Variants in RAB37 observed in about 807,000 individuals in gnomAD.
RAB37 encodes the protein ras-related protein Rab-37.
Under a neutral mutation model 33.1 loss-of-function variants are expected in RAB37, and 29 were observed. The ratio of observed to expected loss-of-function variants is 0.88; its 90% CI spans 0.65 to 1.20. RAB37 has a LOEUF of 1.20. RAB37 is among the 50% of genes most tolerant of loss of function. The pLI is 0.00. For synonymous variants in RAB37, 128 were observed against 119.5 expected, an observed-to-expected ratio of 1.07 and a Z score of -0.47; for missense variants, 299 against 301.1, an observed-to-expected ratio of 0.99 and a Z score of 0.05.
rs1412116689 is a variant in RAB37, at chr17:74,671,612, A to G, written c.26A>G (p.Tyr9Cys). 1 of 1,614,184 alleles carries G rather than the reference A, an allele frequency of 6.2e-7. No homozygotes were observed. Among genetic ancestry groups the G allele is most frequent in the Non-Finnish European group, 8.5e-7 (1 of 1,180,026 alleles). Reference sequence around the variant, plus strand: ...ATGGACCTGCAGAGACCCGATTCCTACCAGGGAGGAGCTGGCCCTGACTTC... The same window carrying G: ...ATGGACCTGCAGAGACCCGATTCCTGCCAGGGAGGAGCTGGCCCTGACTTC... Residue 9 changes from tyrosine (Y) to cysteine (C), a missense_variant, in exon 1 of 8, where the codon TAC becomes TGC. Tyr to Cys is a radical substitution (Grantham distance 194). Transcript: ENST00000340415. This position sits in a 1 kb window ranked among gnomAD's most constrained non-coding sequence, Gnocchi z 5.0.
Position 74,738,657 on chromosome 17 carries a change from A to G in RAB37, c.93+1292A>G, listed in dbSNP as rs2034537984. On this transcript the variant is annotated intron_variant, in intron 1 of 8. Transcript: ENST00000392613. This position sits in a 1 kb window ranked among gnomAD's most constrained non-coding sequence, Gnocchi z 5.0. The stretch of plus-strand genomic sequence containing the variant: ...GCTCCAGGGCTGGGACCCAGGAGCC[A>G]GGGAGGAGTGCAGGCTCCAGAAAGC... Among the ~76,000 whole-genome samples the G allele has an allele frequency of 6.6e-6, 1 of 152,138 alleles. No individual in the cohort carries two copies. The highest frequency in any genetic ancestry group is 2.4e-5 in the African/African-American group (1 of 41,432).
chr17:74,712,887 C>T (rs777038700), intron 1 of RAB37: 56 of 1,613,430 alleles, frequency 3.5e-5, no homozygotes, highest in Middle Eastern at 1.6e-4. Flanking sequence ...GACAGGTCCC[C>T]GTTCCCCTCA....
intron 1 of RAB37, among the ~76,000 whole-genome samples, chr17:74,704,002 C>T (rs976830061): frequency 2.0e-5 from 3 of 152,202 alleles, no homozygotes; most frequent in African/African-American, 7.2e-5. Flanking sequence ...AATTAGACCC[C>T]AGCACCCCGA....
At chr17:74,728,462 G>C (rs2034335184) in intron 1 of RAB37, among the ~76,000 whole-genome samples, 1 of 151,548 alleles carries the variant, frequency 6.6e-6, no homozygotes, top group Admixed American at 6.6e-5. Context: ...AAGTGTGTCT[G>C]TGTCTGTATA....
At chr17:74,727,869 T>A (rs1175998751) in intron 1 of RAB37, among the ~76,000 whole-genome samples, 1 of 152,060 alleles carries the variant, frequency 6.6e-6, no homozygotes, top group Non-Finnish European at 1.5e-5. Context: ...TGTCTGTGTC[T>A]GTGTTTGTGT....
chr17:74,715,775 C>G (rs2034157560), intron 1 of RAB37, among the ~76,000 whole-genome samples: 1 of 152,144 alleles, frequency 6.6e-6, no homozygotes, highest in Non-Finnish European at 1.5e-5. Flanking sequence ...CACCTGTGAT[C>G]TCAACTCTTT....
intron 1 of RAB37, among the ~76,000 whole-genome samples, chr17:74,681,802 C>T (rs1252154331): frequency 2.6e-5 from 4 of 152,158 alleles, no homozygotes; most frequent in Non-Finnish European, 5.9e-5. Flanking sequence ...CCATCCACCA[C>T]CTGCCCCATC....
upstream of RAB37, chr17:74,737,246 G>C (rs773103960): frequency 4.5e-5 from 70 of 1,546,072 alleles, 3 homozygotes; most frequent in South Asian, 6.4e-4. Flanking sequence ...CCTGCGGGCC[G>C]GCACTGCTCA....
intron 1 of RAB37, among the ~76,000 whole-genome samples, chr17:74,714,402 C>T (rs2034128498): frequency 1.3e-5 from 2 of 149,134 alleles, no homozygotes; most frequent in Non-Finnish European, 3.0e-5. Flanking sequence ...TTTAAACACA[C>T]ACACACACAC....
intron 1 of RAB37, among the ~76,000 whole-genome samples, chr17:74,725,107 C>G (rs2034289825): frequency 6.6e-6 from 1 of 152,134 alleles, no homozygotes; most frequent in African/African-American, 2.4e-5. Flanking sequence ...ACCTTCTTAC[C>G]AACCTGGAAG....
chr17:74,689,248 G>A (rs2032114372), intron 1 of RAB37, among the ~76,000 whole-genome samples: 1 of 152,126 alleles, frequency 6.6e-6, no homozygotes, highest in Non-Finnish European at 1.5e-5. Context: ...TTCAAGACCA[G>A]CCTGACCAAC....
At chr17:74,721,855 T>C (rs546542936) in intron 1 of RAB37, among the ~76,000 whole-genome samples, 1 of 152,254 alleles carries the variant, frequency 6.6e-6, no homozygotes, top group South Asian at 2.1e-4. Flanking sequence ...CCACTAATAG[T>C]GTATGTATGA....
chr17:74,734,055 AACCC>A (rs776765966), upstream of RAB37, among the ~76,000 whole-genome samples: 10 of 152,154 alleles, frequency 6.6e-5, no homozygotes, highest in Non-Finnish European at 1.5e-4. Flanking sequence ...CTGTATTCCA[AACCC>A]ACCATAGGAC....
At chr17:74,701,275 T>C (rs975016390) in intron 1 of RAB37, among the ~76,000 whole-genome samples, 1 of 152,244 alleles carries the variant, frequency 6.6e-6, no homozygotes, top group Non-Finnish European at 1.5e-5. Context: ...AGCTCTAGAT[T>C]GTAAGTACCT....
chr17:74,725,032 C>T (rs2034288836), intron 1 of RAB37, among the ~76,000 whole-genome samples: 2 of 152,176 alleles, frequency 1.3e-5, no homozygotes, highest in African/African-American at 4.8e-5. Context: ...AGTATCTTAA[C>T]ATTCTAAAGC....
intron 1 of RAB37, chr17:74,695,311 G>A: frequency 6.3e-7 from 1 of 1,598,372 alleles, no homozygotes; most frequent in Non-Finnish European, 8.5e-7. Context: ...TCACGGGGCA[G>A]AGGAGCCCTC....
Position 74,745,696 on chromosome 17 carries a change from C to T in RAB37, c.*285C>T, listed in dbSNP as rs549898279. ...AAAACCGAGGCTGGGAGCTAGTGGC[C>T]CTTTTGCTTTCTAGGACTTGGGGGG... On this transcript the variant is annotated 3_prime_UTR_variant, in exon 9 of 9. Transcript: ENST00000392613. This position sits in a 1 kb window ranked among gnomAD's most constrained non-coding sequence, Gnocchi z 4.5. 7 of 343,734 alleles carry T rather than the reference C, an allele frequency of 2.0e-5. No homozygotes were observed. The highest frequency in any genetic ancestry group is 1.1e-4 in the South Asian group (3 of 26,756). The allele number at this position is 343,734 out of a possible 1,614,324, so 21.3% of individuals were successfully genotyped here.
intron 1 of RAB37, among the ~76,000 whole-genome samples, chr17:74,706,538 C>T (rs2033533568): frequency 1.3e-5 from 2 of 152,028 alleles, no homozygotes; most frequent in Admixed American, 6.6e-5. Context: ...CATGATGGCA[C>T]ATGCCTGTAA....
rs374495431 is a variant in RAB37 at position 74,712,808 on chromosome 17, A to G, written c.73-16448A>G. On this transcript the variant is annotated intron_variant, in intron 1 of 7. Coordinates refer to the RAB37 transcript ENST00000340415. ...TTGCTAAGCTTCCCCAAGAAGACAG[A>G]CCCAGGCCCGCTCACCTGAGAGCCA... 5.6e-6 allele frequency: 9 copies of G among 1,613,734 alleles called. No individual in the cohort carries two copies. The African/African-American group carries it at 1.2e-4, about 22-fold the overall frequency.
Sources: allele counts gnomAD v4.1 joint callset (sites outside exome capture counted in the v4.1 genomes callset), GRCh38; gene constraint gnomAD v4.1.1; non-coding constraint Gnocchi (gnomAD v3.1); transcripts MANE v1.5; gene names NCBI Gene and HGNC (gene_info 2026-07-23, HGNC 2026-07-21).